WWP1: variants seen among roughly 807,000 people sequenced by gnomAD.
WWP1 encodes NEDD4-like E3 ubiquitin-protein ligase WWP1.
WWP1 carries 49 observed loss-of-function variants against 130.6 expected under a neutral mutation model. The ratio of observed to expected loss-of-function variants is 0.38; its 90% CI spans 0.30 to 0.48. The LOEUF (loss-of-function observed/expected upper bound fraction) is 0.48, where lower values mean the gene tolerates loss of function less well. WWP1 is among the 20% of genes least tolerant of loss of function. WWP1 has a pLI of 0.99. For missense variants in WWP1, 809 were observed against 1,100.6 expected, an observed-to-expected ratio of 0.74 and a Z score of 3.75; for synonymous variants, 332 against 367.8, an observed-to-expected ratio of 0.90 and a Z score of 1.11.
intron 8 of WWP1, among the ~76,000 whole-genome samples, chr8:86,408,431 G>A (rs1340168002): frequency 6.6e-6 from 1 of 152,216 alleles, no homozygotes; most frequent in East Asian, 1.9e-4. Flanking sequence ...CGGCCAAACT[G>A]TCTTCCAAAG....
chr8:86,461,257 C>T lies in WWP1; in HGVS notation c.2533C>T (p.Arg845Ter), dbSNP rs375348600. Reference protein sequence around the residue: ...VKETDNEVRMRLLQFVTGTCR... With the variant: ...VKETDNEVRM ...AGAGACAGACAATGAAGTAAGAATG[C>T]GACTATTGCAGTTCGTCACTGGAAC... is the stretch of plus-strand genomic sequence containing the variant. Residue 845 changes from arginine (R) to a stop codon, truncating the protein, a stop_gained, in exon 23 of 25, where the codon CGA becomes TGA. Coordinates refer to ENST00000517970, the MANE Select transcript of WWP1 (RefSeq NM_007013.4). LOFTEE classifies it high-confidence loss of function. 6.2e-6 allele frequency: 10 copies of T among 1,613,924 alleles called. No individual in the cohort carries two copies. Among genetic ancestry groups the T allele is most frequent in the South Asian group, 2.2e-5 (2 of 91,078 alleles).
chr8:86,446,764 A>G (rs2130738072), intron 18 of WWP1, among the ~76,000 whole-genome samples: 1 of 152,312 alleles, frequency 6.6e-6, no homozygotes, highest in Admixed American at 6.5e-5. Context: ...GTTAGAGGAT[A>G]AAGAATTTGA....
chr8:86,452,779 A>G (rs1218955797), intron 21 of WWP1, 100 bp downstream of exon 21: 2 of 1,440,658 alleles, frequency 1.4e-6, no homozygotes, highest in African/African-American at 2.9e-5. Flanking sequence ...AAAATCCTGT[A>G]GCACAATCTT....
intron 22 of WWP1, among the ~76,000 whole-genome samples, 169 bp downstream of exon 22, chr8:86,458,194 C>G (rs1355128432): frequency 6.6e-6 from 1 of 152,168 alleles, no homozygotes; most frequent in Admixed American, 6.5e-5. Flanking sequence ...AAAGTACTTT[C>G]TATTGCTTCT....
chr8:86,373,797 A>G (rs1398462184), intron 2 of WWP1, among the ~76,000 whole-genome samples: 2 of 152,144 alleles, frequency 1.3e-5, no homozygotes, highest in Non-Finnish European at 2.9e-5. Flanking sequence ...TTCCTGTAGC[A>G]GGCATATCCA....
At chr8:86,415,155 A>T (rs931029437) in intron 9 of WWP1, among the ~76,000 whole-genome samples, 1 of 152,132 alleles carries the variant, frequency 6.6e-6, no homozygotes, top group African/African-American at 2.4e-5. Context: ...AGAACTTTGC[A>T]TGTGCTCTTT....
At chr8:86,459,763 C>G (rs2130084450) in intron 22 of WWP1, among the ~76,000 whole-genome samples, 1 of 152,280 alleles carries the variant, frequency 6.6e-6, no homozygotes, top group Non-Finnish European at 1.5e-5. Context: ...AGTCGGTGTT[C>G]CATGGCTTTC....
rs1808571447 is a variant in WWP1 at position 86,411,328 on chromosome 8, TATTC to T, written c.725-207_725-204del. 2.6e-5 allele frequency among the ~76,000 whole-genome samples: 4 copies of T among 152,184 alleles called. No homozygotes were observed. The South Asian group carries it at 8.3e-4, about 32-fold the overall frequency. On this transcript the variant is annotated intron_variant, in intron 8 of 24. Coordinates refer to ENST00000517970, the MANE Select transcript of WWP1 (RefSeq NM_007013.4). Reference sequence around the variant, plus strand: ...CATACTTAAATTTTTATCATTTACATATTCATCCCTGAAATTTTGAGCAACAAAA... The same window carrying T: ...CATACTTAAATTTTTATCATTTACATATCCCTGAAATTTTGAGCAACAAAA...
At chr8:86,401,893 TAA>T in intron 7 of WWP1, 124 bp from the exon 8 acceptor site, 1 of 962,844 alleles carries the variant, frequency 1.0e-6, no homozygotes, top group Non-Finnish European at 1.4e-6. Flanking sequence ...AAATAGAATC[TAA>T]AAAATTTTAA....
intron 17 of WWP1, 63 bp downstream of exon 17, chr8:86,438,736 T>C: frequency 7.4e-7 from 1 of 1,347,742 alleles, no homozygotes; most frequent in Non-Finnish European, 1.0e-6. Context: ...AGGGAAAGTA[T>C]TCTTCAAAAC....
chr8:86,361,106 T>C (rs1025099801), intron 1 of WWP1, among the ~76,000 whole-genome samples: 1 of 152,208 alleles, frequency 6.6e-6, no homozygotes, highest in African/African-American at 2.4e-5. Context: ...CCTTCATGTA[T>C]CCTGCTTTAG....
chr8:86,433,895 G>T (rs1284856431), intron 14 of WWP1, among the ~76,000 whole-genome samples: 2 of 151,734 alleles, frequency 1.3e-5, no homozygotes, highest in Non-Finnish European at 2.9e-5. Context: ...TCCAGCCTAG[G>T]CAACAAGAGC....
intron 22 of WWP1, 97 bp from the exon 23 acceptor site, chr8:86,461,127 C>A: frequency 8.7e-7 from 1 of 1,146,726 alleles, no homozygotes; most frequent in Non-Finnish European, 1.3e-6. Context: ...ATCTTTTGAA[C>A]CAATTCAGTG....
chr8:86,374,955 CT>C (rs1180240486), intron 3 of WWP1, among the ~76,000 whole-genome samples: 16 of 152,208 alleles, frequency 1.1e-4, no homozygotes, highest in Admixed American at 5.9e-4. Flanking sequence ...TCAAGCAATC[CT>C]TTTGCACCAC....
At chr8:86,425,534 A>C (rs1343086072) in intron 10 of WWP1, among the ~76,000 whole-genome samples, 1 of 152,208 alleles carries the variant, frequency 6.6e-6, no homozygotes, top group Non-Finnish European at 1.5e-5. Flanking sequence ...TACTGAGAGA[A>C]GTTGCAAAAT....
chr8:86,387,833 A>C (rs1217279723), intron 5 of WWP1, among the ~76,000 whole-genome samples: 1 of 152,146 alleles, frequency 6.6e-6, no homozygotes, highest in East Asian at 1.9e-4. Context: ...CTGGTGTTTT[A>C]TATTTTTATA....
chr8:86,393,816 C>G (rs1019446416), intron 5 of WWP1, among the ~76,000 whole-genome samples: 1 of 152,170 alleles, frequency 6.6e-6, no homozygotes, highest in Middle Eastern at 3.2e-3. Flanking sequence ...TTCTGTAGTC[C>G]CCTCCCACAC....
chr8:86,425,449 A>G, intron 10 of WWP1, 131 bp downstream of exon 10: 1 of 569,514 alleles, frequency 1.8e-6, no homozygotes, highest in East Asian at 3.3e-5. Context: ...CCTTATATAA[A>G]TAATGAATGT....
In WWP1 at chr8:86,461,299, G is replaced by C; in HGVS notation, c.2575G>C (p.Gly859Arg). ...CACTGGAACCTGCCGTTTACCTCTAGGAGGATTTGCTGAGCTCATGGGTAA... is the reference window on the plus strand; with the variant it reads ...CACTGGAACCTGCCGTTTACCTCTACGAGGATTTGCTGAGCTCATGGGTAA... ...FVTGTCRLPL[G>R]GFAELMGSNG... is the part of the protein sequence containing the mutation. The change falls in exon 23 of 25, where the codon GGA (glycine) becomes CGA (arginine). Residue 859 changes from glycine to arginine, a missense_variant. By Grantham distance (125) the Gly-to-Arg change is moderately radical (BLOSUM62 -2). Coordinates refer to ENST00000517970, the MANE Select transcript of WWP1 (RefSeq NM_007013.4). The C allele has an allele frequency of 6.2e-7, 1 of 1,614,072 alleles. No homozygotes were observed. Among genetic ancestry groups the C allele is most frequent in the Non-Finnish European group, 8.5e-7 (1 of 1,179,942 alleles).
Sources: gnomAD v4.1 joint callset for allele counts (sites outside exome capture counted in the v4.1 genomes callset) on GRCh38, gnomAD v4.1.1 for gene constraint, MANE v1.5 for transcripts, NCBI Gene and HGNC (gene_info 2026-07-23, HGNC 2026-07-21) for gene names.